C2CD2: variants seen among roughly 807,000 people sequenced by gnomAD.
C2CD2 encodes C2 calcium dependent domain containing 2.
A neutral mutation model predicts 74.3 loss-of-function variants in C2CD2; 43 were observed. The observed-to-expected ratio is 0.58, with a 90% confidence interval of 0.45 to 0.75. C2CD2 has a LOEUF of 0.75. Among genes scored for constraint, C2CD2 ranks in the 30% least tolerant of loss-of-function variants. C2CD2 has a pLI of 0.00. For synonymous variants in C2CD2, 422 were observed against 390.7 expected, an observed-to-expected ratio of 1.08 and a Z score of -0.94; for missense variants, 801 against 916.3, an observed-to-expected ratio of 0.87 and a Z score of 1.63.
rs1020641906 is a variant in C2CD2, at chr21:41,895,358, C to CT, written c.1870+3694dup. On this transcript the variant is annotated intron_variant, in intron 13 of 13. Transcript: ENST00000380486. This position sits in a 1 kb window ranked among gnomAD's most constrained non-coding sequence, Gnocchi z 5.0. ...TGGATCAAGCAGATCATCTGCTTGA[C>CT]TTTGAGCCCGCAGAATGTGTTGCCC... Among the ~76,000 whole-genome samples, 14 of 152,294 alleles carry CT rather than the reference C, an allele frequency of 9.2e-5. 1 individual carries two copies. Among genetic ancestry groups the CT allele is most frequent in the Admixed American group, 8.5e-4 (13 of 15,300 alleles).
intron 7 of C2CD2, among the ~76,000 whole-genome samples, chr21:41,911,980 G>C (rs2146178147): frequency 6.6e-6 from 1 of 152,262 alleles, no homozygotes; most frequent in African/African-American, 2.4e-5. Context: ...GGGATTACAG[G>C]CATGAGCCTC....
At chr21:41,900,261 G>A (rs966784909) in intron 12 of C2CD2, among the ~76,000 whole-genome samples, 3 of 152,096 alleles carry the variant, frequency 2.0e-5, no homozygotes, top group Non-Finnish European at 4.4e-5. Context: ...GTGACAGAGC[G>A]AGACTCCGTC....
chr21:41,938,734 T>A (rs2065329909), intron 2 of C2CD2, among the ~76,000 whole-genome samples: 1 of 151,086 alleles, frequency 6.6e-6, no homozygotes, highest in African/African-American at 2.5e-5. Context: ...AGAATGTCCT[T>A]GCTTTCTCTT....
chr21:41,918,831 G>T (rs757257082), intron 4 of C2CD2, 25 bp downstream of exon 4: 15 of 1,566,040 alleles, frequency 9.6e-6, no homozygotes, highest in African/African-American at 4.1e-5. Flanking sequence ...GCCAATGGAA[G>T]AATCATAAAA....
chr21:41,923,210 G>T lies in C2CD2; in HGVS notation c.379-1125C>A, dbSNP rs2065174465. Among the ~76,000 whole-genome samples, 1 of 151,966 alleles carries T rather than the reference G, an allele frequency of 6.6e-6. No individual in the cohort carries two copies. Among genetic ancestry groups the T allele is most frequent in the South Asian group, 2.1e-4 (1 of 4,818 alleles). The stretch of plus-strand genomic sequence containing the variant: ...CGGGGTTTCACCATTAGCCAGGAGG[G>T]TCTCGATCTCCTCACCTCGTGATCC... On this transcript the variant is annotated intron_variant, in intron 2 of 13. Transcript: ENST00000380486. The surrounding 1 kb of genome is among the most constrained non-coding windows in gnomAD (Gnocchi z 5.8).
rs1221553959 is a variant in C2CD2, at chr21:41,926,660, C to T, written c.379-4575G>A. The T allele has an allele frequency of 1.0e-6, 1 of 983,728 alleles. No individual in the cohort carries two copies. 60.9% of individuals were successfully genotyped at this position (983,728 alleles called of 1,614,324 possible). A position where few individuals can be genotyped will look rare whatever the true frequency, so the allele number is the denominator to read the frequency against. On this transcript the variant is annotated intron_variant, in intron 2 of 13. Coordinates refer to ENST00000380486, the MANE Select transcript of C2CD2 (RefSeq NM_015500.2). This position sits in a 1 kb window ranked among gnomAD's most constrained non-coding sequence, Gnocchi z 8.0. ...GGCACAGTTACTCCAGATTTTGCTA[C>T]TGTTCACCAACAAGAGAGCCCCTGA... is the stretch of plus-strand genomic sequence containing the variant.
In C2CD2 at chr21:41,943,516, A is replaced by G. The variant is rs138494536; in HGVS notation, c.280-1271T>C. Among the ~76,000 whole-genome samples the G allele has an allele frequency of 3.5e-3, 533 of 152,284 alleles. 4 individuals are homozygous for G. The highest frequency in any genetic ancestry group is 0.012 in the African/African-American group (509 of 41,550). ...GTTCCTGACATGCTGTAGAAAGCAC[A>G]CCGTGTTTCAATGAGCTCCGACTGG... On this transcript the variant is annotated intron_variant, in intron 1 of 13. Transcript: ENST00000380486.
At chr21:41,936,815 C>CTTTTTTT (rs34112713) in intron 2 of C2CD2, among the ~76,000 whole-genome samples, 1 of 103,010 alleles carries the variant, frequency 9.7e-6, no homozygotes, top group Non-Finnish European at 1.9e-5. Flanking sequence ...TTTTCTTTTC[C>CTTTTTTT]TTTTTTTTTT....
chr21:41,923,125 G>A lies in C2CD2; in HGVS notation c.379-1040C>T, dbSNP rs1347620809. 6.6e-6 allele frequency among the ~76,000 whole-genome samples: 1 copy of A among 151,884 alleles called. No homozygotes were observed. Among genetic ancestry groups the A allele is most frequent in the Non-Finnish European group, 1.5e-5 (1 of 68,008 alleles). On this transcript the variant is annotated intron_variant, in intron 2 of 13. Coordinates refer to ENST00000380486, the MANE Select transcript of C2CD2 (RefSeq NM_015500.2). The surrounding 1 kb of genome is among the most constrained non-coding windows in gnomAD (Gnocchi z 5.8). Reference sequence around the variant, plus strand: ...ATTCTCCTGCCTCAAACTCCCGAGTGGCTGGGTTTACAGGCGTGTGCTACT... The same window carrying A: ...ATTCTCCTGCCTCAAACTCCCGAGTAGCTGGGTTTACAGGCGTGTGCTACT...
At position 41,888,043 on chromosome 21, in the gene C2CD2, C is replaced by CA. The variant is rs2064704548; in HGVS notation, c.*1080dup. 6.6e-6 allele frequency: 1 copy of CA among 152,620 alleles called. No homozygotes were observed. The highest frequency in any genetic ancestry group is 6.5e-5 in the Admixed American group (1 of 15,280). The allele number at this position is 152,620 out of a possible 1,614,324, so 9.5% of individuals were successfully genotyped here. On this transcript the variant is annotated 3_prime_UTR_variant, in exon 14 of 14. Transcript: ENST00000380486. ...AAAACAAACCCAAACAAGGGCACCC[C>CA]AACCTGTGTCCAAGAGGACTGTTCA...
At chr21:41,913,790 C>T (rs1223312296) in intron 6 of C2CD2, among the ~76,000 whole-genome samples, 1 of 152,242 alleles carries the variant, frequency 6.6e-6, no homozygotes, top group Non-Finnish European at 1.5e-5. Context: ...CCGAGTGACT[C>T]TGTGTCTGGG....
At chr21:41,891,125 T>C (rs2064748046) in intron 13 of C2CD2, among the ~76,000 whole-genome samples, 1 of 113,766 alleles carries the variant, frequency 8.8e-6, no homozygotes, top group Non-Finnish European at 2.1e-5. Context: ...GGAAAAGGAA[T>C]GAAAAAGGTG....
In C2CD2 at chr21:41,899,503, C is replaced by T. The variant is rs1001371160; in HGVS notation, c.1561-141G>A. 10 of 769,936 alleles carry T rather than the reference C, an allele frequency of 1.3e-5. No homozygotes were observed. The highest frequency in any genetic ancestry group is 2.6e-5 in the East Asian group (1 of 38,024). 47.7% of individuals were successfully genotyped at this position (769,936 alleles called of 1,614,324 possible). ...ATGCAGCCGTGGGCCTCATAGAAGG[C>T]GCTTATACATCACGGCCGTTGCTCA... On this transcript the variant is annotated intron_variant, in intron 12 of 13. Coordinates refer to ENST00000380486, the MANE Select transcript of C2CD2 (RefSeq NM_015500.2). The surrounding 1 kb of genome is among the most constrained non-coding windows in gnomAD (Gnocchi z 4.4).
At chr21:41,913,799 G>A (rs985498916) in intron 6 of C2CD2, among the ~76,000 whole-genome samples, 15 of 152,086 alleles carry the variant, frequency 9.9e-5, no homozygotes, top group Admixed American at 2.0e-4. Flanking sequence ...TCTGTGTCTG[G>A]GGCCTCAACA....
intron 1 of C2CD2, among the ~76,000 whole-genome samples, chr21:41,949,905 G>A (rs1047818966): frequency 1.3e-5 from 2 of 152,074 alleles, no homozygotes; most frequent in East Asian, 1.9e-4. Context: ...ACCAAACACC[G>A]CATGTTCTCA....
rs1040908626 is a variant in C2CD2 at position 41,945,854 on chromosome 21, T to C, written c.280-3609A>G. On this transcript the variant is annotated intron_variant, in intron 1 of 13. Coordinates refer to ENST00000380486, the MANE Select transcript of C2CD2 (RefSeq NM_015500.2). This position sits in a 1 kb window ranked among gnomAD's most constrained non-coding sequence, Gnocchi z 4.2. ...AAGTTTCCTGAGGCTTCCCCAGCCA[T>C]GTGGAACTGTGAGTCATTAAATGTC... Among the ~76,000 whole-genome samples the C allele has an allele frequency of 1.3e-5, 2 of 152,200 alleles. No homozygotes were observed. The highest frequency in any genetic ancestry group is 4.8e-5 in the African/African-American group (2 of 41,452).
At chr21:41,937,944 C>A (rs958019707) in intron 2 of C2CD2, among the ~76,000 whole-genome samples, 2 of 152,202 alleles carry the variant, frequency 1.3e-5, no homozygotes, top group South Asian at 2.1e-4. Flanking sequence ...GGTTACCAGA[C>A]GCTGGGGAGT....
In C2CD2 at chr21:41,918,893, T is replaced by G; in HGVS notation, c.560A>C (p.Glu187Ala). The G allele has an allele frequency of 6.2e-7, 1 of 1,614,196 alleles. No individual in the cohort carries two copies. The highest frequency in any genetic ancestry group is 8.5e-7 in the Non-Finnish European group (1 of 1,180,002). ...QISWSFISVP[E>A]MAVNIQPKAL... ...TTTGGGCTGGATATTAACGGCCATT[T>G]CCGGCACACTGATGAAAGACCAGCT... Residue 187 changes from glutamate (E) to alanine (A), a missense_variant, in exon 4 of 14, where the codon GAA becomes GCA. Glu to Ala is a moderately radical substitution (Grantham distance 107). Transcript: ENST00000380486.
At chr21:41,897,914 C>A (rs218368) in intron 13 of C2CD2, among the ~76,000 whole-genome samples, 6,451 of 152,264 alleles carry the variant, frequency 0.042, 154 homozygotes, top group African/African-American at 0.047. Context: ...TGAGTGGCAT[C>A]CCTGGCCTCT....
Sources: allele counts gnomAD v4.1 joint callset (sites outside exome capture counted in the v4.1 genomes callset), GRCh38; gene constraint gnomAD v4.1.1; non-coding constraint Gnocchi (gnomAD v3.1); transcripts MANE v1.5; gene names NCBI Gene and HGNC (gene_info 2026-07-23, HGNC 2026-07-21).